Variants in FUT9 observed in about 807,000 individuals in gnomAD.
The protein encoded by FUT9 is fucosyltransferase 9, also known as 4-galactosyl-N-acetylglucosaminide 3-alpha-L-fucosyltransferase 9.
Under a neutral mutation model 29.7 loss-of-function variants are expected in FUT9, and 15 were observed. That is an observed-to-expected ratio of 0.51 (90% CI 0.34 to 0.78). The LOEUF (loss-of-function observed/expected upper bound fraction) is 0.78, where lower values mean the gene tolerates loss of function less well. Ranked by LOEUF, FUT9 falls within the 30% of genes least tolerant of loss-of-function variation. FUT9 has a pLI of 0.01. For missense variants in FUT9, 319 were observed against 425.4 expected, an observed-to-expected ratio of 0.75 and a Z score of 2.20; for synonymous variants, 169 against 153.7, an observed-to-expected ratio of 1.10 and a Z score of -0.74.
intron 1 of FUT9, among the ~76,000 whole-genome samples, chr6:96,036,197 C>T (rs745674256): frequency 3.3e-5 from 5 of 149,420 alleles, no homozygotes; most frequent in East Asian, 1.9e-4. Flanking sequence ...ACTTCAGAAT[C>T]GAGATTCTAT....
At chr6:96,053,875 T>G (rs1770717068) in intron 1 of FUT9, among the ~76,000 whole-genome samples, 1 of 152,172 alleles carries the variant, frequency 6.6e-6, no homozygotes, top group Admixed American at 6.5e-5. Flanking sequence ...TATATAATAT[T>G]TATTTATAGT....
chr6:96,080,142 A>G (rs1157291214), intron 1 of FUT9, among the ~76,000 whole-genome samples: 2 of 151,976 alleles, frequency 1.3e-5, no homozygotes, highest in Non-Finnish European at 2.9e-5. Flanking sequence ...TCATCAAACC[A>G]GTATTCAACA....
At chr6:96,191,140 G>C (rs4280965) in intron 2 of FUT9, among the ~76,000 whole-genome samples, 149,808 of 152,174 alleles carry the variant, frequency 0.98, 73,793 homozygotes, top group East Asian at 1. Flanking sequence ...AGCTGCATGT[G>C]TGTTGGAGTT....
At chr6:96,119,899 T>C (rs1771988894) in intron 2 of FUT9, among the ~76,000 whole-genome samples, 1 of 152,162 alleles carries the variant, frequency 6.6e-6, no homozygotes, top group South Asian at 2.1e-4. Flanking sequence ...AGGAACTTCT[T>C]GAATATGAGG....
chr6:96,192,890 A>C (rs1419941049), intron 2 of FUT9, among the ~76,000 whole-genome samples: 15 of 151,966 alleles, frequency 9.9e-5, no homozygotes, highest in Middle Eastern at 3.4e-3. Flanking sequence ...GCCCTCCGAA[A>C]TAATGCTGCA....
At chr6:96,043,137 C>T (rs6901602) in intron 1 of FUT9, among the ~76,000 whole-genome samples, 22,308 of 152,094 alleles carry the variant, frequency 0.15, 1,868 homozygotes, top group Non-Finnish European at 0.19. Flanking sequence ...CTGCAAGCTC[C>T]GCCTCCCGGG....
intron 2 of FUT9, among the ~76,000 whole-genome samples, chr6:96,142,040 G>A (rs914736107): frequency 1.3e-5 from 2 of 152,164 alleles, no homozygotes; most frequent in Non-Finnish European, 1.5e-5. Flanking sequence ...GGCAGTATCA[G>A]GAGTAAGACC....
chr6:96,056,682 C>A (rs1037042304), intron 1 of FUT9, among the ~76,000 whole-genome samples: 1 of 151,588 alleles, frequency 6.6e-6, no homozygotes. Flanking sequence ...CCCAGGAGTT[C>A]GAGTAGGCAG....
At chr6:96,114,192 A>G (rs1291552031) in intron 2 of FUT9, 65 bp downstream of exon 2, 2 of 152,150 alleles carry the variant, frequency 1.3e-5, no homozygotes, top group East Asian at 3.9e-4. Flanking sequence ...CTTAGAACTT[A>G]TAGATGATTT....
intron 1 of FUT9, among the ~76,000 whole-genome samples, chr6:96,093,002 A>G (rs1771437263): frequency 6.6e-6 from 1 of 152,092 alleles, no homozygotes; most frequent in South Asian, 2.1e-4. Flanking sequence ...TCCTGGGCTC[A>G]AGCAATCCTC....
At chr6:96,202,666 C>A (rs145663816) in intron 2 of FUT9, among the ~76,000 whole-genome samples, 10 of 151,986 alleles carry the variant, frequency 6.6e-5, no homozygotes, top group African/African-American at 1.9e-4. Context: ...AAAAACATAA[C>A]GTTTTTAAAA....
chr6:96,132,666 A>G (rs979837295), intron 2 of FUT9, among the ~76,000 whole-genome samples: 1 of 152,002 alleles, frequency 6.6e-6, no homozygotes, highest in African/African-American at 2.4e-5. Flanking sequence ...ATGCTTTCTT[A>G]TGTTCTGTTT....
chr6:96,048,783 G>C (rs1315353458), intron 1 of FUT9, among the ~76,000 whole-genome samples: 2 of 152,046 alleles, frequency 1.3e-5, no homozygotes, highest in African/African-American at 4.8e-5. Flanking sequence ...AATGAGAGGG[G>C]GGGAACTGAC....
At chr6:96,138,731 A>T (rs1468385200) in intron 2 of FUT9, among the ~76,000 whole-genome samples, 1 of 152,164 alleles carries the variant, frequency 6.6e-6, no homozygotes, top group East Asian at 1.9e-4. Context: ...TCTAACTCTT[A>T]TGTCACTTGT....
Position 96,203,479 on chromosome 6 carries a change from C to T in FUT9, c.324C>T (p.Ile108=). The T allele has an allele frequency of 6.2e-7, 1 of 1,610,080 alleles. No individual in the cohort carries two copies. The highest frequency in any genetic ancestry group is 8.5e-7 in the Non-Finnish European group (1 of 1,177,882). Reference sequence around the variant, plus strand: ...ACAACAAATCCCATGCAGTTCTGATCCATCACCGAGACATCAGTTGGGATC... The same window carrying T: ...ACAACAAATCCCATGCAGTTCTGATTCATCACCGAGACATCAGTTGGGATC... ...SLYNKSHAVL[I]HHRDISWDLT... Residue 108 remains isoleucine, a synonymous_variant, in exon 3 of 3, where the codon ATC becomes ATT. Transcript: ENST00000302103.
chr6:96,118,837 G>T (rs948149975), intron 2 of FUT9, among the ~76,000 whole-genome samples: 1 of 151,924 alleles, frequency 6.6e-6, no homozygotes, highest in African/African-American at 2.4e-5. Flanking sequence ...CTAGGCTAAG[G>T]TGTGGGTTTG....
At chr6:96,069,799 T>A (rs2127947031) in intron 1 of FUT9, among the ~76,000 whole-genome samples, 1 of 151,840 alleles carries the variant, frequency 6.6e-6, no homozygotes, top group Admixed American at 6.6e-5. Context: ...CCCAGCTAAT[T>A]TTTTTGTATT....
chr6:96,095,115 T>C (rs572057583), intron 1 of FUT9, among the ~76,000 whole-genome samples: 1 of 152,202 alleles, frequency 6.6e-6, no homozygotes, highest in South Asian at 2.1e-4. Flanking sequence ...TCACATCATC[T>C]GTGAAGCCAT....
intron 2 of FUT9, among the ~76,000 whole-genome samples, chr6:96,185,095 A>G (rs987557957): frequency 1.3e-5 from 2 of 152,010 alleles, no homozygotes; most frequent in African/African-American, 4.8e-5. Flanking sequence ...CTGATAATCA[A>G]AAGAAGTCAC....
Sources: allele counts gnomAD v4.1 joint callset (sites outside exome capture counted in the v4.1 genomes callset), GRCh38; gene constraint gnomAD v4.1.1; transcripts MANE v1.5; gene names NCBI Gene and HGNC (gene_info 2026-07-23, HGNC 2026-07-21).